LMF1: variants seen among roughly 807,000 people sequenced by gnomAD.
The protein encoded by LMF1 is transmembrane protein 112.
Under a neutral mutation model 60.6 loss-of-function variants are expected in LMF1, and 68 were observed. The ratio of observed to expected loss-of-function variants is 1.12; its 90% CI spans 0.92 to 1.37. The LOEUF (loss-of-function observed/expected upper bound fraction) is 1.37. LMF1 is among the 40% of genes most tolerant of loss of function. The pLI is 0.00. For missense variants in LMF1, 948 were observed against 767.2 expected, an observed-to-expected ratio of 1.24 and a Z score of -2.78; for synonymous variants, 418 against 324.7, an observed-to-expected ratio of 1.29 and a Z score of -3.09.
chr16:941,238 T>A (rs1270734209), intron 2 of LMF1, among the ~76,000 whole-genome samples: 7 of 148,002 alleles, frequency 4.7e-5, no homozygotes, highest in Non-Finnish European at 1.0e-4. Flanking sequence ...TTAAATTGAT[T>A]TTTTTTTTTG....
chr16:922,162 C>T (rs933397798), intron 3 of LMF1, among the ~76,000 whole-genome samples: 5 of 152,306 alleles, frequency 3.3e-5, no homozygotes, highest in Admixed American at 6.5e-5. Context: ...CAGATCGGGG[C>T]ACCCTGTCTC....
chr16:870,177 T>C, intron 8 of LMF1, 111 bp from the exon 9 acceptor site: 1 of 1,230,816 alleles, frequency 8.1e-7, no homozygotes, highest in Non-Finnish European at 1.1e-6. Context: ...GGGGGAGGGC[T>C]ACAGCCTCCA....
At chr16:930,536 G>A (rs1304378479) in intron 3 of LMF1, among the ~76,000 whole-genome samples, 1 of 152,212 alleles carries the variant, frequency 6.6e-6, no homozygotes, top group African/African-American at 2.4e-5. Context: ...CTGGGTGACA[G>A]AGCAAGACTC....
intron 2 of LMF1, chr16:952,643 C>A (rs2072508021): frequency 6.5e-6 from 1 of 153,940 alleles, no homozygotes; most frequent in Admixed American, 6.5e-5. Flanking sequence ...CAGCTGCCTC[C>A]TGTCTCCCGT....
At chr16:919,284 G>A (rs2071364598) in intron 3 of LMF1, among the ~76,000 whole-genome samples, 1 of 152,152 alleles carries the variant, frequency 6.6e-6, no homozygotes. Flanking sequence ...CACACTCACA[G>A]GGAAGGAACG....
rs532776264 is a variant in LMF1, at chr16:868,880, G to A, written c.1529+64C>T. The A allele has an allele frequency of 2.2e-3, 2,328 of 1,044,216 alleles. 16 individuals are homozygous for A. In the Middle Eastern group the frequency reaches 0.026, roughly 12 times the overall value. The allele number at this position is 1,044,216 out of a possible 1,614,324, so 64.7% of individuals were successfully genotyped here. A position where few individuals can be genotyped will look rare whatever the true frequency, so the allele number is the denominator to read the frequency against. ...AGGTGGGGGTGCAGGTACAGGTGGT[G>A]GGATCCCAGCAGACACCTGGATTTG... On this transcript the variant is annotated intron_variant, in intron 10 of 10. Transcript: ENST00000262301.
chr16:974,141 G>A (rs2073092988), upstream of LMF1, among the ~76,000 whole-genome samples: 1 of 152,156 alleles, frequency 6.6e-6, no homozygotes, highest in South Asian at 2.1e-4. Context: ...TTACTTCTTT[G>A]TCTATATTAA....
intron 5 of LMF1, chr16:881,306 T>C (rs533506783): frequency 6.6e-6 from 1 of 152,376 alleles, no homozygotes; most frequent in African/African-American, 2.4e-5. Flanking sequence ...TTATTTTTGT[T>C]TACACTGAGG....
chr16:976,201 G>A, intron 1 of LMF1: 1 of 450,378 alleles, frequency 2.2e-6, no homozygotes, highest in Non-Finnish European at 4.5e-6. Flanking sequence ...CGGATGGGCT[G>A]GGGGCTGGGG....
intron 4 of LMF1, chr16:900,767 G>A (rs1045625054): frequency 6.6e-6 from 1 of 150,810 alleles, no homozygotes. Context: ...TGTTGGCCAG[G>A]CTGGTCTCGA....
chr16:914,649 T>TCCC (rs71992005), intron 3 of LMF1, among the ~76,000 whole-genome samples: 212 of 23,750 alleles, frequency 8.9e-3, no homozygotes, highest in African/African-American at 0.026. Flanking sequence ...CCCTCCCTCC[T>TCCC]CATGACCATT....
chr16:951,933 G>A (rs1232274957), intron 2 of LMF1, among the ~76,000 whole-genome samples: 2 of 152,200 alleles, frequency 1.3e-5, no homozygotes, highest in African/African-American at 2.4e-5. Flanking sequence ...CTGGGGCATC[G>A]GGGGCAAACC....
chr16:938,544 T>C (rs962743107), intron 2 of LMF1, among the ~76,000 whole-genome samples: 1 of 152,208 alleles, frequency 6.6e-6, no homozygotes. Flanking sequence ...TTTAAGTTCA[T>C]ACAACAGAGA....
At chr16:968,899 C>T (rs1185973048) in intron 1 of LMF1, 2 of 152,200 alleles carry the variant, frequency 1.3e-5, no homozygotes, top group Non-Finnish European at 2.9e-5. Context: ...CTCGGGCTCC[C>T]CTGTGGAAGG....
upstream of LMF1, chr16:971,020 C>A (rs1167629452): frequency 1.1e-6 from 1 of 873,414 alleles, no homozygotes; most frequent in South Asian, 2.2e-5. Context: ...CGCCCATTCT[C>A]GGAGGCCCCG....
Position 911,094 on chromosome 16 carries a change from C to T in LMF1, c.515-15G>A, listed in dbSNP as rs748000468. On this transcript the variant is annotated splice_polypyrimidine_tract_variant and intron_variant, in intron 3 of 10. Transcript: ENST00000262301. ...GGACTCCCATCCTAAAACAACGAGA[C>T]ATACCAAAGGTGAGTTAATGGAAGC... The T allele has an allele frequency of 1.9e-6, 3 of 1,607,840 alleles. No homozygotes were observed. Among genetic ancestry groups the T allele is most frequent in the South Asian group, 2.2e-5 (2 of 89,994 alleles).
chr16:962,937 A>G lies in LMF1; in HGVS notation c.193+7851T>C, dbSNP rs566253507. Among the ~76,000 whole-genome samples the G allele has an allele frequency of 1.9e-4, 29 of 152,294 alleles. No homozygotes were observed. The highest frequency in any genetic ancestry group is 5.8e-4 in the African/African-American group (24 of 41,558). On this transcript the variant is annotated intron_variant, in intron 1 of 10. Coordinates refer to ENST00000262301, the MANE Select transcript of LMF1 (RefSeq NM_022773.4). The surrounding 1 kb of genome is among the most constrained non-coding windows in gnomAD (Gnocchi z 4.5). ...GCAGTGGGAGCAGGGCCACAGGCAG[A>G]GCACCGCAGGGCCCTGGGCGACGAA...
chr16:950,407 A>C lies in LMF1; in HGVS notation c.503+3950T>G, dbSNP rs1479824003. Among the ~76,000 whole-genome samples the C allele has an allele frequency of 2.8e-5, 4 of 141,068 alleles. No homozygotes were observed. The East Asian group carries it at 8.5e-4, about 30-fold the overall frequency. 92.5% of individuals were successfully genotyped at this position (141,068 alleles called of 152,430 possible). ...GCCAATGACAGAGTCAGAGCCAACG[A>C]CAGAGTCAGAGACAACGACAGAGTT... is the stretch of plus-strand genomic sequence containing the variant. On this transcript the variant is annotated intron_variant, in intron 2 of 10. Transcript: ENST00000262301.
rs550530728 is a variant in LMF1, at chr16:891,520, G to A, written c.729+1487C>T. Among the ~76,000 whole-genome samples, 193 of 152,346 alleles carry A rather than the reference G, an allele frequency of 1.3e-3. 1 individual carries two copies. The highest frequency in any genetic ancestry group is 4.2e-3 in the African/African-American group (174 of 41,582). On this transcript the variant is annotated intron_variant, in intron 5 of 10. Transcript: ENST00000262301. ...CCACTGCACCACTGCTGTCGCCACC[G>A]GTGCTGGGCCAGGGGGCTCAGTGAG...
Sources: gnomAD v4.1 joint callset for allele counts (sites outside exome capture counted in the v4.1 genomes callset) on GRCh38, gnomAD v4.1.1 for gene constraint, Gnocchi (gnomAD v3.1) non-coding constraint, MANE v1.5 for transcripts, NCBI Gene and HGNC (gene_info 2026-07-23, HGNC 2026-07-21) for gene names.